ZSCAN4: variants seen among roughly 807,000 people sequenced by gnomAD.
ZSCAN4 encodes the protein zinc finger and SCAN domain-containing protein 4.
ZSCAN4 carries 18 observed loss-of-function variants against 18.3 expected under a neutral mutation model. The ratio of observed to expected loss-of-function variants is 0.98; its 90% CI spans 0.68 to 1.46. ZSCAN4 has a LOEUF of 1.46. Ranked by LOEUF, ZSCAN4 falls within the 40% of genes most tolerant of loss-of-function variation. The pLI is 0.00. For missense variants in ZSCAN4, 498 were observed against 511.4 expected, an observed-to-expected ratio of 0.97 and a Z score of 0.25; for synonymous variants, 193 against 180.3, an observed-to-expected ratio of 1.07 and a Z score of -0.57.
rs774363898 is a variant in ZSCAN4 at position 57,678,523 on chromosome 19, G to A, written c.920G>A (p.Gly307Glu). 3.1e-6 allele frequency: 5 copies of A among 1,614,010 alleles called. No homozygotes were observed. The African/African-American group carries it at 5.3e-5, about 17-fold the overall frequency. The change falls in exon 5 of 5, where the codon GGA becomes GAA. Residue 307 changes from glycine to glutamate, a missense_variant. By Grantham distance (98) the Gly-to-Glu change is moderately conservative (BLOSUM62 -2). Coordinates refer to ENST00000318203, the Ensembl canonical transcript of ZSCAN4. ...GAGGTACATCAGAAAGGATCCCATG[G>A]AGTCCAAAAATCATACAAATGTGAA...
upstream of ZSCAN4, chr19:57,664,216 G>A (rs1263794542): frequency 3.3e-5 from 5 of 152,130 alleles, no homozygotes; most frequent in African/African-American, 1.2e-4. Context: ...AGGAAGGGAG[G>A]GAGGGAAAAG....
chr19:57,654,652 C>T, the ZSCAN4 span, among the ~76,000 whole-genome samples: 1 of 152,032 alleles, frequency 6.6e-6, no homozygotes, highest in Admixed American at 6.6e-5. Context: ...CAGTGGTGCC[C>T]ATCCATCTGG....
the ZSCAN4 span, among the ~76,000 whole-genome samples, chr19:57,656,457 C>T: frequency 1.3e-5 from 2 of 152,218 alleles, no homozygotes; most frequent in African/African-American, 4.8e-5. Flanking sequence ...TTACCACATA[C>T]CCCAGTTTTT....
intron 3 of ZSCAN4, among the ~76,000 whole-genome samples, chr19:57,677,534 T>C (rs989619548): frequency 5.9e-5 from 9 of 152,210 alleles, no homozygotes; most frequent in African/African-American, 2.2e-4. Context: ...ATTATGGAGA[T>C]AATACATGTG....
At chr19:57,671,135 T>A (rs148927415) in intron 2 of ZSCAN4, among the ~76,000 whole-genome samples, 4 of 152,282 alleles carry the variant, frequency 2.6e-5, no homozygotes, top group Admixed American at 6.5e-5. Flanking sequence ...AGTGCTGGGA[T>A]TACAGATGTG....
chr19:57,655,971 G>A, the ZSCAN4 span, among the ~76,000 whole-genome samples: 1,101 of 151,964 alleles, frequency 7.2e-3, 11 homozygotes, highest in Non-Finnish European at 9.5e-3. Context: ...AGAATTAGTC[G>A]ACCTAACTAG....
At chr19:57,678,557 C>T (rs1984263978) in exon 5 of ZSCAN4, 1 of 1,614,054 alleles carries the variant, frequency 6.2e-7, no homozygotes, top group Non-Finnish European at 8.5e-7. Flanking sequence ...AAGAATGCCC[C>T]AAGGTCTTTA....
upstream of ZSCAN4, among the ~76,000 whole-genome samples, chr19:57,665,665 A>G (rs969339723): frequency 1.3e-5 from 2 of 152,046 alleles, no homozygotes; most frequent in African/African-American, 4.8e-5. Flanking sequence ...CACTCCTGTA[A>G]TCCCAACACT....
At chr19:57,661,141 G>T in the ZSCAN4 span, among the ~76,000 whole-genome samples, 1 of 151,948 alleles carries the variant, frequency 6.6e-6, no homozygotes, top group Admixed American at 6.6e-5. Flanking sequence ...TATTTTACCA[G>T]TAATTTCATA....
chr19:57,678,702 C>G (rs1199438018), exon 5 of ZSCAN4: 16 of 1,614,178 alleles, frequency 9.9e-6, no homozygotes, highest in South Asian at 6.6e-5. Flanking sequence ...AGGAAAGAAG[C>G]CTTTCACATG....
chr19:57,674,618 C>A (rs535763186), intron 2 of ZSCAN4, among the ~76,000 whole-genome samples: 1 of 152,268 alleles, frequency 6.6e-6, no homozygotes, highest in Admixed American at 6.5e-5. Flanking sequence ...GTGACTAGTG[C>A]TGCAATCAAA....
the ZSCAN4 span, among the ~76,000 whole-genome samples, chr19:57,663,519 C>CAAAAAAAAAAAAAAAAAAAAAAAAA: frequency 5.5e-5 from 1 of 18,286 alleles, no homozygotes; most frequent in African/African-American, 2.2e-4. Flanking sequence ...AACCATGTCT[C>CAAAAAAAAAAAAAAAAAAAAAAAAA]TAAAAAAAAA....
upstream of ZSCAN4, chr19:57,664,819 G>A (rs767514325): frequency 5.2e-6 from 1 of 191,492 alleles, no homozygotes; most frequent in Non-Finnish European, 1.1e-5. Context: ...GGCTGCTGCG[G>A]ATGAGAACAC....
At chr19:57,669,058 C>CTTCTTTTTTTTTTTTT (rs1555807412) in exon 1 of ZSCAN4, 1 of 68,602 alleles carries the variant, frequency 1.5e-5, no homozygotes, top group Non-Finnish European at 2.9e-5. Flanking sequence ...TTATATTTTC[C>CTTCTTTTTTTTTTTTT]TTTTTTTTTT....
chr19:57,676,153 T>C lies in ZSCAN4; in HGVS notation c.8T>C (p.Leu3Ser), dbSNP rs769219014. The C allele has an allele frequency of 2.5e-6, 4 of 1,607,024 alleles. No individual in the cohort carries two copies. The East Asian group carries it at 6.7e-5, about 27-fold the overall frequency. Reference sequence around the variant, plus strand: ...TGAGAATTATTGCTAAGAATGGCTTTAGATCTAAGAACCATATTTCAGTGT... The same window carrying C: ...TGAGAATTATTGCTAAGAATGGCTTCAGATCTAAGAACCATATTTCAGTGT... Residue 3 changes from leucine to serine, a missense_variant, in exon 3 of 5, where the codon TTA becomes TCA. Coordinates refer to ENST00000318203, the Ensembl canonical transcript of ZSCAN4.
the ZSCAN4 span, among the ~76,000 whole-genome samples, chr19:57,651,709 C>A: frequency 1.3e-5 from 2 of 152,172 alleles, no homozygotes; most frequent in African/African-American, 4.8e-5. Context: ...ACCTGGGAAG[C>A]AGTGAGCAGC....
At chr19:57,652,428 G>A in the ZSCAN4 span, among the ~76,000 whole-genome samples, 1 of 152,190 alleles carries the variant, frequency 6.6e-6, no homozygotes, top group Admixed American at 6.5e-5. Flanking sequence ...TCCTCTCTCT[G>A]TCAATCCTGT....
the ZSCAN4 span, among the ~76,000 whole-genome samples, chr19:57,655,632 C>T: frequency 6.6e-6 from 1 of 152,124 alleles, no homozygotes; most frequent in Admixed American, 6.5e-5. Flanking sequence ...CCTTCTTTCC[C>T]TCCTGCTATC....
rs781675303 is a variant in ZSCAN4 at position 57,677,902 on chromosome 19, C to T, written c.397-12C>T. 4 of 1,518,858 alleles carry T rather than the reference C, an allele frequency of 2.6e-6. No individual in the cohort carries two copies. In the South Asian group the frequency reaches 5.4e-5, roughly 20 times the overall value. The allele number at this position is 1,518,858 out of a possible 1,614,324, so 94.1% of individuals were successfully genotyped here. A position where few individuals can be genotyped will look rare whatever the true frequency, so the allele number is the denominator to read the frequency against. Reference sequence around the variant, plus strand: ...AGATTCAGATACAACAGTGATCTGGCTTTCTTTACAGGTCCACGTCCACAT... The same window carrying T: ...AGATTCAGATACAACAGTGATCTGGTTTTCTTTACAGGTCCACGTCCACAT... On this transcript the variant is annotated splice_polypyrimidine_tract_variant and intron_variant, in intron 3 of 4. Coordinates refer to ENST00000318203, the Ensembl canonical transcript of ZSCAN4.
Sources: gnomAD v4.1 joint callset for allele counts (sites outside exome capture counted in the v4.1 genomes callset) on GRCh38, gnomAD v4.1.1 for gene constraint, MANE v1.5 for transcripts, NCBI Gene and HGNC (gene_info 2026-07-23, HGNC 2026-07-21) for gene names.